CADM2: variants seen among roughly 807,000 people sequenced by gnomAD.
CADM2 encodes the protein cell adhesion molecule 2.
In CADM2, 12 loss-of-function variants were observed where a neutral mutation model predicts 49.8. The observed-to-expected ratio is 0.24, with a 90% CI of 0.15 to 0.39. The LOEUF (loss-of-function observed/expected upper bound fraction) is 0.39, where lower values mean the gene tolerates loss of function less well. CADM2 is among the 10% of genes least tolerant of loss of function. CADM2 has a pLI of 1.00. For synonymous variants in CADM2, 214 were observed against 175.4 expected, an observed-to-expected ratio of 1.22 and a Z score of -1.74; for missense variants, 378 against 492.3, an observed-to-expected ratio of 0.77 and a Z score of 2.20.
At chr3:85,571,847 A>AT (rs1559918437) in intron 1 of CADM2, among the ~76,000 whole-genome samples, 1 of 152,242 alleles carries the variant, frequency 6.6e-6, no homozygotes, top group Admixed American at 6.5e-5. Flanking sequence ...TCAGCCCTAC[A>AT]TGACTTATAG....
At chr3:85,951,209 A>C (rs1723384808) in intron 7 of CADM2, among the ~76,000 whole-genome samples, 2 of 151,184 alleles carry the variant, frequency 1.3e-5, no homozygotes, top group South Asian at 4.1e-4. Context: ...ATCCAGAAAT[A>C]TTTAAAACAA....
At chr3:85,425,280 G>A (rs1358861134) in intron 1 of CADM2, among the ~76,000 whole-genome samples, 1 of 152,170 alleles carries the variant, frequency 6.6e-6, no homozygotes, top group Non-Finnish European at 1.5e-5. Context: ...TCTTGGGAAC[G>A]GTAATGGTTA....
chr3:84,960,649 A>G (rs2030419856), intron 1 of CADM2, among the ~76,000 whole-genome samples: 1 of 152,196 alleles, frequency 6.6e-6, no homozygotes, highest in Admixed American at 6.5e-5. Flanking sequence ...GCAGCAGTGG[A>G]GGGAAACCGC....
At chr3:85,115,907 T>C (rs1303898898) in intron 1 of CADM2, among the ~76,000 whole-genome samples, 6 of 152,202 alleles carry the variant, frequency 3.9e-5, no homozygotes, top group Non-Finnish European at 5.9e-5. Context: ...TTGAAGAAAG[T>C]AGCTGTGGAT....
intron 8 of CADM2, among the ~76,000 whole-genome samples, chr3:86,019,669 G>T (rs1281281902): frequency 6.6e-6 from 1 of 151,904 alleles, no homozygotes; most frequent in African/African-American, 2.4e-5. Context: ...TCATGATTTG[G>T]CTCTCTGTTT....
chr3:85,832,177 C>T (rs887785878), intron 3 of CADM2, among the ~76,000 whole-genome samples: 2 of 151,828 alleles, frequency 1.3e-5, no homozygotes, highest in African/African-American at 4.8e-5. Flanking sequence ...CTATTCTTTT[C>T]CATTGCTGTG....
intron 1 of CADM2, among the ~76,000 whole-genome samples, chr3:85,227,179 T>C (rs866141827): frequency 3.3e-5 from 5 of 152,168 alleles, no homozygotes; most frequent in Non-Finnish European, 5.9e-5. Context: ...TAAATATCCC[T>C]GTTACTTTTC....
At chr3:85,991,342 A>T (rs536179068) in intron 8 of CADM2, among the ~76,000 whole-genome samples, 1 of 152,294 alleles carries the variant, frequency 6.6e-6, no homozygotes, top group South Asian at 2.1e-4. Flanking sequence ...ATGTCAACTT[A>T]ATTCTCAGGC....
At chr3:85,797,190 A>T (rs1163129705) in intron 2 of CADM2, among the ~76,000 whole-genome samples, 1 of 151,932 alleles carries the variant, frequency 6.6e-6, no homozygotes, top group African/African-American at 2.4e-5. Flanking sequence ...AGCAATAAAC[A>T]TTCTCTTCTA....
At chr3:85,306,340 T>C (rs1298741654) in intron 1 of CADM2, among the ~76,000 whole-genome samples, 1 of 151,726 alleles carries the variant, frequency 6.6e-6, no homozygotes, top group Non-Finnish European at 1.5e-5. Context: ...ATGACTTCTC[T>C]ATGGTCAGTA....
intron 1 of CADM2, among the ~76,000 whole-genome samples, chr3:85,107,561 C>A (rs2038279261): frequency 7.7e-6 from 1 of 129,968 alleles, no homozygotes; most frequent in Admixed American, 7.5e-5. Context: ...CTCTTTCTTT[C>A]TTCTCTCTTT....
intron 1 of CADM2, among the ~76,000 whole-genome samples, chr3:85,667,770 C>T (rs192227410): frequency 1.1e-3 from 163 of 152,100 alleles, no homozygotes; most frequent in Middle Eastern, 3.4e-3. Flanking sequence ...AAATTTGTCA[C>T]GTCAGACCTG....
At chr3:85,296,050 T>C (rs915219519) in intron 1 of CADM2, among the ~76,000 whole-genome samples, 3 of 152,068 alleles carry the variant, frequency 2.0e-5, no homozygotes, top group Non-Finnish European at 2.9e-5. Context: ...AAATCTTGTA[T>C]AAATAATAAA....
chr3:85,401,748 G>A (rs2035120912), intron 1 of CADM2, among the ~76,000 whole-genome samples: 1 of 152,018 alleles, frequency 6.6e-6, no homozygotes. Context: ...AGGAAAGAGG[G>A]GACCTTTACC....
In CADM2 at chr3:85,691,675, C is replaced by T. The variant is rs553995649; in HGVS notation, c.62-34847C>T. 2.2e-3 allele frequency among the ~76,000 whole-genome samples: 339 copies of T among 152,232 alleles called. 1 individual carries two copies. The highest frequency in any genetic ancestry group is 7.8e-3 in the African/African-American group (325 of 41,532). On this transcript the variant is annotated intron_variant, in intron 1 of 9. Coordinates refer to ENST00000383699, the MANE Select transcript of CADM2 (RefSeq NM_001167675.2). ...ATGCTGCTATAAAGACACATGCACA[C>T]GTATGTTTATTGCGGCACTATTCAC... is the stretch of plus-strand genomic sequence containing the variant.
intron 1 of CADM2, among the ~76,000 whole-genome samples, chr3:85,212,667 G>T (rs1368193080): frequency 6.6e-6 from 1 of 151,438 alleles, no homozygotes; most frequent in Non-Finnish European, 1.5e-5. Flanking sequence ...ATTGTTATAG[G>T]TATTTTTTGA....
chr3:85,119,913 G>C (rs1024161777), intron 1 of CADM2, among the ~76,000 whole-genome samples: 1 of 152,136 alleles, frequency 6.6e-6, no homozygotes, highest in Non-Finnish European at 1.5e-5. Flanking sequence ...TACGGAATGG[G>C]AGAAAATTTT....
At chr3:85,016,749 C>T (rs538555433) in intron 1 of CADM2, among the ~76,000 whole-genome samples, 1 of 151,570 alleles carries the variant, frequency 6.6e-6, no homozygotes, top group Admixed American at 6.6e-5. Context: ...GCTGAGACTG[C>T]ACCACTGCAA....
chr3:85,652,772 C>CTTTTTTTTTTTTTTTT lies in CADM2; in HGVS notation c.62-73741_62-73726dup, dbSNP rs34756757. ...TAACCTGAAAATCTTTTTTTCTTTT[C>CTTTTTTTTTTTTTTTT]TTTTTTTTTTTTTTTTTTTTTTTTA... On this transcript the variant is annotated intron_variant, in intron 1 of 9. Coordinates refer to ENST00000383699, the MANE Select transcript of CADM2 (RefSeq NM_001167675.2). Among the ~76,000 whole-genome samples, 207 of 50,786 alleles carry CTTTTTTTTTTTTTTTT rather than the reference C, an allele frequency of 4.1e-3. 65 individuals carry two copies. Among genetic ancestry groups the CTTTTTTTTTTTTTTTT allele is most frequent in the African/African-American group, 6.7e-3 (85 of 12,758 alleles). The allele number at this position is 50,786 out of a possible 152,430, so 33.3% of individuals were successfully genotyped here.
Sources: allele counts gnomAD v4.1 joint callset (sites outside exome capture counted in the v4.1 genomes callset), GRCh38; gene constraint gnomAD v4.1.1; transcripts MANE v1.5; gene names NCBI Gene and HGNC (gene_info 2026-07-23, HGNC 2026-07-21).